Variants in NECTIN3 observed in about 807,000 individuals in gnomAD.
The protein encoded by NECTIN3 is nectin-3.
NECTIN3 carries 8 observed loss-of-function variants against 49.4 expected under a neutral mutation model. That is an observed-to-expected ratio of 0.16 (90% CI 0.10 to 0.29). The LOEUF is 0.29. NECTIN3 is among the 10% of genes least tolerant of loss of function. The pLI, the probability that NECTIN3 is intolerant of heterozygous loss-of-function variation, is 1.00. For missense variants in NECTIN3, 581 were observed against 654.6 expected (o/e 0.89, Z 1.23); for synonymous variants, 277 against 241.1 (o/e 1.15, Z -1.38).
At chr3:111,110,323 CT>C (rs1044350305) in intron 1 of NECTIN3, among the ~76,000 whole-genome samples, 3 of 151,828 alleles carry the variant, frequency 2.0e-5, no homozygotes, top group African/African-American at 7.2e-5. Context: ...GAAGAATCTA[CT>C]TTATTAAGAA....
chr3:111,174,696 C>T (rs572281409), intron 7 of NECTIN3, among the ~76,000 whole-genome samples: 1 of 142,782 alleles, frequency 7.0e-6, no homozygotes, highest in African/African-American at 2.7e-5. Context: ...CCTGTTCCAT[C>T]GCCACTGCTG....
intron 1 of NECTIN3, among the ~76,000 whole-genome samples, chr3:111,076,162 G>A (rs577358108): frequency 6.6e-6 from 1 of 151,972 alleles, no homozygotes; most frequent in African/African-American, 2.4e-5. Flanking sequence ...TTAGTAATTT[G>A]GCAATTCTGA....
At position 111,115,007 on chromosome 3, in the gene NECTIN3, G is replaced by A. The variant is rs375239828; in HGVS notation, c.502+2636G>A. On this transcript the variant is annotated intron_variant, in intron 2 of 5. Transcript: ENST00000485303. ...ACTACGGGACCACTATACATTAAGG[G>A]AAAGTTTTCTTAACCCCAGTATTGT... 7.2e-5 allele frequency among the ~76,000 whole-genome samples: 11 copies of A among 152,244 alleles called. No individual in the cohort carries two copies. In the East Asian group the frequency reaches 1.9e-3, roughly 27 times the overall value.
chr3:111,181,738 T>C (rs573253642), intron 7 of NECTIN3, among the ~76,000 whole-genome samples: 86 of 152,194 alleles, frequency 5.7e-4, no homozygotes, highest in African/African-American at 1.9e-3. Flanking sequence ...ATGTCACCTT[T>C]TTCATTTTGA....
rs771253670 is a variant in NECTIN3 at position 111,133,655 on chromosome 3, C to T, written c.1090C>T (p.Leu364Phe). ...ATTAGATCCTCCTACTACTACCACC[C>T]TTCAGCCTACAATTCAGTGGCATCC... Reference protein sequence around the residue: ...YISDPPTTTTLQPTIQWHPST... With the variant: ...YISDPPTTTTFQPTIQWHPST... The change falls in exon 6 of 6, where the codon CTT becomes TTT. Residue 364 changes from leucine to phenylalanine, a missense_variant. Transcript: ENST00000485303. 4 of 1,613,406 alleles carry T rather than the reference C, an allele frequency of 2.5e-6. No homozygotes were observed. The highest frequency in any genetic ancestry group is 3.4e-6 in the Non-Finnish European group (4 of 1,179,670).
chr3:111,111,910 T>C (rs2033482774), intron 1 of NECTIN3, 120 bp from the exon 2 acceptor site: 1 of 500,842 alleles, frequency 2.0e-6, no homozygotes, highest in Non-Finnish European at 3.3e-6. Context: ...TGTGTGTGTG[T>C]GTGTGTGTGT....
At chr3:111,116,676 A>C (rs1376207563) in intron 2 of NECTIN3, among the ~76,000 whole-genome samples, 1 of 152,140 alleles carries the variant, frequency 6.6e-6, no homozygotes, top group African/African-American at 2.4e-5. Context: ...TAAGAAAAAA[A>C]TAGACACCTG....
intron 1 of NECTIN3, among the ~76,000 whole-genome samples, chr3:111,100,065 C>T (rs1369168770): frequency 6.6e-6 from 1 of 152,020 alleles, no homozygotes; most frequent in East Asian, 1.9e-4. Context: ...TGTTACTCGT[C>T]TACAGTTTTA....
chr3:111,074,299 A>G (rs559574212), intron 1 of NECTIN3: 1 of 455,792 alleles, frequency 2.2e-6, no homozygotes, highest in Non-Finnish European at 4.4e-6. Flanking sequence ...GTTTTAGTTA[A>G]TAGAGTTATA....
intron 1 of NECTIN3, among the ~76,000 whole-genome samples, chr3:111,097,672 C>G (rs2032668598): frequency 6.6e-6 from 1 of 152,124 alleles, no homozygotes; most frequent in South Asian, 2.1e-4. Context: ...AGAGGAGATT[C>G]CTTGCACAAG....
At chr3:111,108,848 A>T (rs2033328301) in intron 1 of NECTIN3, among the ~76,000 whole-genome samples, 1 of 152,040 alleles carries the variant, frequency 6.6e-6, no homozygotes, top group South Asian at 2.1e-4. Context: ...TGAGGGCTCC[A>T]CTCCCATGAC....
At chr3:111,127,455 T>C (rs1229261912) in intron 5 of NECTIN3, among the ~76,000 whole-genome samples, 1 of 147,798 alleles carries the variant, frequency 6.8e-6, no homozygotes, top group Non-Finnish European at 1.5e-5. Flanking sequence ...ATGATAGAGG[T>C]GCAAACTTTC....
At chr3:111,153,924 AC>A (rs1376169300) in intron 7 of NECTIN3, among the ~76,000 whole-genome samples, 1 of 152,136 alleles carries the variant, frequency 6.6e-6, no homozygotes, top group Non-Finnish European at 1.5e-5. Flanking sequence ...TGTGGAGCTT[AC>A]ATTTTAGTGA....
intron 7 of NECTIN3, among the ~76,000 whole-genome samples, chr3:111,152,511 C>T (rs1459057574): frequency 6.6e-6 from 1 of 151,650 alleles, no homozygotes; most frequent in African/African-American, 2.4e-5. Flanking sequence ...TTTAAAAAGC[C>T]ATTTTTTCCT....
intron 2 of NECTIN3, among the ~76,000 whole-genome samples, chr3:111,114,049 A>C (rs543263111): frequency 5.3e-5 from 8 of 152,294 alleles, no homozygotes; most frequent in African/African-American, 1.9e-4. Flanking sequence ...CATGGGGATA[A>C]AATCACTTTT....
intron 4 of NECTIN3, 137 bp downstream of exon 4, chr3:111,122,375 T>C (rs2033993136): frequency 1.6e-6 from 1 of 630,182 alleles, no homozygotes; most frequent in African/African-American, 1.9e-5. Context: ...TGTCTTATCC[T>C]TCCCCACCTG....
At chr3:111,131,177 T>C (rs1028290562) in intron 5 of NECTIN3, among the ~76,000 whole-genome samples, 1 of 152,004 alleles carries the variant, frequency 6.6e-6, no homozygotes, top group African/African-American at 2.4e-5. Flanking sequence ...TACGGGGCAT[T>C]ACATGACTAT....
intron 5 of NECTIN3, among the ~76,000 whole-genome samples, chr3:111,133,225 C>G (rs1257551763): frequency 6.6e-6 from 1 of 151,518 alleles, no homozygotes; most frequent in Middle Eastern, 3.3e-3. Flanking sequence ...GAGCTACTGG[C>G]TAAGAAAATG....
chr3:111,087,750 G>A (rs1029125906), intron 1 of NECTIN3, among the ~76,000 whole-genome samples: 1 of 151,674 alleles, frequency 6.6e-6, no homozygotes, highest in Non-Finnish European at 1.5e-5. Flanking sequence ...CCAGGCTGGA[G>A]TGCAATGGCA....
Sources: gnomAD v4.1 joint callset for allele counts (sites outside exome capture counted in the v4.1 genomes callset) on GRCh38, gnomAD v4.1.1 for gene constraint, MANE v1.5 for transcripts, NCBI Gene and HGNC (gene_info 2026-07-23, HGNC 2026-07-21) for gene names.